The following ORC5 variants were observed in gnomAD, a reference collection of about 807,000 sequenced individuals.
ORC5 encodes origin recognition complex subunit 5.
ORC5 carries 39 observed loss-of-function variants against 58.8 expected under a neutral mutation model. The observed-to-expected ratio is 0.66, with a 90% CI of 0.51 to 0.87. ORC5 has a LOEUF of 0.87. Ranked by LOEUF, ORC5 falls within the 40% of genes least tolerant of loss-of-function variation. The pLI is 0.00. For synonymous variants in ORC5, 218 were observed against 177.6 expected (o/e 1.23, Z -1.81); for missense variants, 493 against 506.3 (o/e 0.97, Z 0.25).
intron 12 of ORC5, among the ~76,000 whole-genome samples, chr7:104,156,276 T>C (rs576471996): frequency 6.6e-6 from 1 of 151,876 alleles, no homozygotes; most frequent in Admixed American, 6.6e-5. Context: ...AAAGTCATAT[T>C]TAAGTTCAAT....
Position 104,129,711 on chromosome 7 carries a change from A to T in ORC5, c.1263-2818T>A, listed in dbSNP as rs1193681734. Among the ~76,000 whole-genome samples the T allele has an allele frequency of 6.6e-6, 1 of 152,206 alleles. No individual in the cohort carries two copies. Among genetic ancestry groups the T allele is most frequent in the Non-Finnish European group, 1.5e-5 (1 of 68,028 alleles). On this transcript the variant is annotated intron_variant, in intron 13 of 13. Coordinates refer to ENST00000297431, the MANE Select transcript of ORC5 (RefSeq NM_002553.4). The surrounding 1 kb of genome is among the most constrained non-coding windows in gnomAD (Gnocchi z 4.9). The stretch of plus-strand genomic sequence containing the variant: ...GGATGTTCCCTGGCTTTCCATGGTC[A>T]CAGATGCATATTATAGTCACGTAAG...
intron 8 of ORC5, among the ~76,000 whole-genome samples, chr7:104,182,098 CA>C (rs1799446127): frequency 6.6e-6 from 1 of 152,154 alleles, no homozygotes; most frequent in African/African-American, 2.4e-5. Context: ...TAGGTTCCCC[CA>C]ATCCAACTTT....
chr7:104,158,346 A>C (rs1461660751), intron 12 of ORC5, among the ~76,000 whole-genome samples: 2 of 152,204 alleles, frequency 1.3e-5, no homozygotes, highest in East Asian at 3.8e-4. Context: ...TAAAGACTTA[A>C]ACGTTAGACC....
chr7:104,180,481 T>C (rs1799410783), intron 8 of ORC5, among the ~76,000 whole-genome samples: 1 of 152,176 alleles, frequency 6.6e-6, no homozygotes, highest in African/African-American at 2.4e-5. Context: ...TGAATGACTA[T>C]CATTTCACAG....
intron 8 of ORC5, among the ~76,000 whole-genome samples, chr7:104,179,107 G>T (rs977688883): frequency 6.5e-5 from 8 of 123,754 alleles, no homozygotes; most frequent in Non-Finnish European, 1.0e-4. Context: ...AAAGAAAAGT[G>T]AATTTTTTTT....
chr7:104,194,723 A>T (rs1799757254), intron 5 of ORC5, among the ~76,000 whole-genome samples: 1 of 152,192 alleles, frequency 6.6e-6, no homozygotes, highest in African/African-American at 2.4e-5. Context: ...TAGTCTGATT[A>T]TTCGTACAGA....
chr7:104,192,689 T>C (rs547605673), intron 5 of ORC5, among the ~76,000 whole-genome samples: 24 of 151,910 alleles, frequency 1.6e-4, no homozygotes, highest in Middle Eastern at 3.4e-3. Context: ...GGAGAAAAAT[T>C]ACTCGGTGGG....
chr7:104,196,307 G>A (rs1309317680), intron 4 of ORC5, among the ~76,000 whole-genome samples: 1 of 152,162 alleles, frequency 6.6e-6, no homozygotes, highest in African/African-American at 2.4e-5. Flanking sequence ...AATAGTGGAT[G>A]AGTATGCGAA....
intron 12 of ORC5, among the ~76,000 whole-genome samples, chr7:104,137,706 G>T (rs1462538203): frequency 6.6e-6 from 1 of 151,992 alleles, no homozygotes; most frequent in Non-Finnish European, 1.5e-5. Context: ...ACCTACGGTG[G>T]GACAACACAG....
intron 10 of ORC5, among the ~76,000 whole-genome samples, chr7:104,165,890 AC>A (rs1048124953): frequency 2.0e-5 from 3 of 152,030 alleles, no homozygotes; most frequent in African/African-American, 7.2e-5. Flanking sequence ...ACATGGCAAA[AC>A]CCTGTCTCTA....
At chr7:104,198,979 G>A (rs1471699542) in intron 3 of ORC5, among the ~76,000 whole-genome samples, 2 of 152,256 alleles carry the variant, frequency 1.3e-5, no homozygotes, top group Non-Finnish European at 2.9e-5. Context: ...CCAAGCCTTG[G>A]CGGCTTACAT....
chr7:104,181,437 TA>T (rs1416437056), intron 8 of ORC5, among the ~76,000 whole-genome samples: 3 of 152,180 alleles, frequency 2.0e-5, no homozygotes, highest in African/African-American at 7.2e-5. Context: ...TAACAGGATA[TA>T]ATTGGAAACA....
At chr7:104,158,069 TAAATGAG>T (rs932467316) in intron 12 of ORC5, among the ~76,000 whole-genome samples, 2 of 152,154 alleles carry the variant, frequency 1.3e-5, no homozygotes, top group African/African-American at 4.8e-5. Context: ...ATCACTTATG[TAAATGAG>T]AAATATTTAA....
At chr7:104,184,311 A>C (rs1799497324) in intron 6 of ORC5, 140 bp from the exon 7 acceptor site, 1 of 621,850 alleles carries the variant, frequency 1.6e-6, no homozygotes, top group African/African-American at 1.8e-5. Flanking sequence ...AATTATACGC[A>C]GTGGCATGTG....
intron 8 of ORC5, among the ~76,000 whole-genome samples, chr7:104,175,335 C>G (rs532764486): frequency 1.0e-3 from 159 of 152,238 alleles, no homozygotes; most frequent in African/African-American, 3.7e-3. Context: ...CTCTACCTCT[C>G]TATTTTTTTC....
intron 2 of ORC5, among the ~76,000 whole-genome samples, chr7:104,201,350 T>G (rs190726556): frequency 3.9e-5 from 6 of 152,302 alleles, no homozygotes; most frequent in Admixed American, 1.3e-4. Context: ...TATGGTCCCT[T>G]CAGGCCTGGA....
At chr7:104,205,086 C>CTTTTTTTTTTTTTTTTT (rs10672012) in intron 1 of ORC5, among the ~76,000 whole-genome samples, 5 of 99,450 alleles carry the variant, frequency 5.0e-5, no homozygotes, top group African/African-American at 1.5e-4. Context: ...TAATAATACT[C>CTTTTTTTTTTTTTTTTT]TTTTTTTTTT....
At chr7:104,188,036 C>T (rs1484111589) in intron 6 of ORC5, 3 of 1,103,494 alleles carry the variant, frequency 2.7e-6, no homozygotes, top group Non-Finnish European at 3.4e-6. Flanking sequence ...TCAGATCAAA[C>T]AATCAAAGTT....
intron 6 of ORC5, among the ~76,000 whole-genome samples, chr7:104,186,822 T>C (rs1799554010): frequency 1.3e-5 from 2 of 152,210 alleles, no homozygotes. Context: ...CTTTTCTCTA[T>C]TATTACCAAT....
Sources: gnomAD v4.1 joint callset for allele counts (sites outside exome capture counted in the v4.1 genomes callset) on GRCh38, gnomAD v4.1.1 for gene constraint, Gnocchi (gnomAD v3.1) non-coding constraint, MANE v1.5 for transcripts, NCBI Gene and HGNC (gene_info 2026-07-23, HGNC 2026-07-21) for gene names.